CLASP1: variants seen among roughly 807,000 people sequenced by gnomAD.
CLASP1 encodes the protein CLIP-associating protein 1.
Under a neutral mutation model 192.3 loss-of-function variants are expected in CLASP1, and 38 were observed. That is an observed-to-expected ratio of 0.20 (90% confidence interval 0.15 to 0.26). CLASP1 has a LOEUF of 0.26. Among genes scored for constraint, CLASP1 ranks in the 10% least tolerant of loss-of-function variants. CLASP1 has a pLI of 1.00. For synonymous variants in CLASP1, 691 were observed against 712.8 expected (o/e 0.97, Z 0.49); for missense variants, 1,433 against 1,932.5 (o/e 0.74, Z 4.85).
intron 36 of CLASP1, chr2:121,364,832 T>C (rs968134860): frequency 1.8e-5 from 9 of 489,358 alleles, no homozygotes; most frequent in African/African-American, 9.7e-5. Context: ...TTAAAGCAAC[T>C]AGATGCAGGA....
At chr2:121,338,438 A>G (rs528732378) in exon 40 of CLASP1, 1 of 152,476 alleles carries the variant, frequency 6.6e-6, no homozygotes, top group African/African-American at 2.4e-5. Flanking sequence ...GGCCCTGGCC[A>G]GTCCGGTAGA....
intron 37 of CLASP1, among the ~76,000 whole-genome samples, chr2:121,360,504 T>C (rs1475445795): frequency 6.6e-6 from 1 of 151,774 alleles, no homozygotes; most frequent in East Asian, 1.9e-4. Flanking sequence ...ACACAAACTT[T>C]ATGTGCATCT....
chr2:121,407,592 A>C (rs772204015), exon 25 of CLASP1: 1 of 1,613,998 alleles, frequency 6.2e-7, no homozygotes. Context: ...TGCCGCAGAT[A>C]ATGGGGAATG....
At chr2:121,538,486 T>TA (rs902362661) in intron 2 of CLASP1, among the ~76,000 whole-genome samples, 10 of 145,760 alleles carry the variant, frequency 6.9e-5, no homozygotes, top group South Asian at 6.6e-4. Flanking sequence ...TACAACTGCG[T>TA]AAAAAAAAAA....
intron 2 of CLASP1, among the ~76,000 whole-genome samples, chr2:121,559,795 C>T (rs941383515): frequency 6.6e-6 from 1 of 151,882 alleles, no homozygotes; most frequent in Non-Finnish European, 1.5e-5. Context: ...TCTGAATATA[C>T]AAAAAAACCA....
chr2:121,435,633 T>C (rs1243366105), intron 19 of CLASP1, among the ~76,000 whole-genome samples: 2 of 152,240 alleles, frequency 1.3e-5, no homozygotes, highest in African/African-American at 4.8e-5. Flanking sequence ...TTTTATCCTC[T>C]CCTTTGTTTC....
intron 22 of CLASP1, among the ~76,000 whole-genome samples, chr2:121,419,924 T>C (rs1412500752): frequency 1.3e-5 from 2 of 152,110 alleles, no homozygotes; most frequent in Non-Finnish European, 2.9e-5. Flanking sequence ...ATGAGCATAG[T>C]CTATTGTTTG....
At chr2:121,407,170 C>T (rs940787232) in intron 25 of CLASP1, among the ~76,000 whole-genome samples, 3 of 150,172 alleles carry the variant, frequency 2.0e-5, no homozygotes, top group African/African-American at 2.5e-5. Context: ...GAGCCAAGAT[C>T]GTGCCACTGC....
In CLASP1 at chr2:121,385,219, A is replaced by G. The variant is rs1439358220; in HGVS notation, c.3374+1903T>C. Among the ~76,000 whole-genome samples, 3 of 152,252 alleles carry G rather than the reference A, an allele frequency of 2.0e-5. No homozygotes were observed. The East Asian group carries it at 5.8e-4, about 29-fold the overall frequency. On this transcript the variant is annotated intron_variant, in intron 32 of 39. Transcript: ENST00000263710. ...GAAGCAGTTTTTCCCACTGCTGGAC[A>G]GTTTTAGTTGCGAGAAAAATCATTT...
At chr2:121,601,592 G>C (rs185166251) in intron 2 of CLASP1, among the ~76,000 whole-genome samples, 7 of 152,000 alleles carry the variant, frequency 4.6e-5, no homozygotes, top group African/African-American at 1.4e-4. Flanking sequence ...TTAAGAACTA[G>C]AACAGTACAA....
At chr2:121,638,172 AAAG>A (rs1272339932) in intron 1 of CLASP1, among the ~76,000 whole-genome samples, 3 of 152,290 alleles carry the variant, frequency 2.0e-5, no homozygotes, top group East Asian at 3.9e-4. Context: ...ACATTTCTCC[AAAG>A]AAGACATACA....
At chr2:121,554,130 C>G (rs992266762) in intron 2 of CLASP1, among the ~76,000 whole-genome samples, 2 of 151,326 alleles carry the variant, frequency 1.3e-5, no homozygotes, top group Non-Finnish European at 2.9e-5. Flanking sequence ...GTGGGAGGAC[C>G]AGTTGAGCCT....
At chr2:121,592,083 G>A (rs1410603107) in intron 2 of CLASP1, among the ~76,000 whole-genome samples, 4 of 152,154 alleles carry the variant, frequency 2.6e-5, no homozygotes, top group Non-Finnish European at 5.9e-5. Flanking sequence ...TTACTCCAAT[G>A]CTGTCTGACA....
intron 9 of CLASP1, among the ~76,000 whole-genome samples, chr2:121,465,721 T>C (rs1475959492): frequency 6.6e-6 from 1 of 152,220 alleles, no homozygotes; most frequent in Non-Finnish European, 1.5e-5. Context: ...AAGTCAATCC[T>C]AAGCCAAAAG....
At chr2:121,530,298 ACAGGATGTC>A in exon 3 of CLASP1, 1 of 1,552,178 alleles carries the variant, frequency 6.4e-7, no homozygotes, top group Non-Finnish European at 8.7e-7. Context: ...ACCAGGGCGG[ACAGGATGTC>A]CATGCCCAGC....
intron 8 of CLASP1, among the ~76,000 whole-genome samples, chr2:121,477,276 T>C (rs2091749056): frequency 6.6e-6 from 1 of 152,222 alleles, no homozygotes; most frequent in African/African-American, 2.4e-5. Context: ...ATGAAAATCT[T>C]TTCTCATATA....
intron 2 of CLASP1, among the ~76,000 whole-genome samples, chr2:121,553,985 G>A (rs2058282169): frequency 6.6e-6 from 1 of 151,934 alleles, no homozygotes; most frequent in African/African-American, 2.4e-5. Context: ...AGGCCAAGAT[G>A]GGAGAGCTGC....
intron 16 of CLASP1, among the ~76,000 whole-genome samples, chr2:121,449,504 T>C (rs1294279169): frequency 6.6e-6 from 1 of 150,484 alleles, no homozygotes; most frequent in Non-Finnish European, 1.5e-5. Flanking sequence ...TGACACAAAG[T>C]ATTTAAAATT....
chr2:121,514,242 G>A (rs936960792), intron 7 of CLASP1, among the ~76,000 whole-genome samples: 29 of 152,278 alleles, frequency 1.9e-4, no homozygotes, highest in Non-Finnish European at 3.8e-4. Flanking sequence ...TCATGGTCTG[G>A]GGTCACATCA....
Sources: allele counts gnomAD v4.1 joint callset (sites outside exome capture counted in the v4.1 genomes callset), GRCh38; gene constraint gnomAD v4.1.1; transcripts MANE v1.5; gene names NCBI Gene and HGNC (gene_info 2026-07-23, HGNC 2026-07-21).